NDUFAF6: variants seen among roughly 807,000 people sequenced by gnomAD.
The protein encoded by NDUFAF6 is NADH:ubiquinone oxidoreductase complex assembly factor 6, also known as NADH dehydrogenase (ubiquinone) complex I, assembly factor 6.
In NDUFAF6, 45 loss-of-function variants were observed where a neutral mutation model predicts 40.8. That is an observed-to-expected ratio of 1.10 (90% CI 0.87 to 1.42). The LOEUF (loss-of-function observed/expected upper bound fraction) is 1.42. Among genes scored for constraint, NDUFAF6 ranks in the 40% most tolerant of loss-of-function variants. The probability of loss-of-function intolerance (pLI) is 0.00; values close to 1 mark genes in which losing one functional copy is unlikely to be tolerated. For missense variants in NDUFAF6, 435 were observed against 418.5 expected (o/e 1.04, Z -0.34); for synonymous variants, 185 against 155.9 (o/e 1.19, Z -1.39).
At chr8:95,063,052 G>A (rs1832610064), downstream of NDUFAF6, among the ~76,000 whole-genome samples, 1 of 152,220 alleles carries the variant, frequency 6.6e-6, no homozygotes, top group Non-Finnish European at 1.5e-5. Context: ...TGAGGAAGAA[G>A]TGAGGCTGGA....
chr8:95,070,338 CACTT>C (rs1320206469), intron 9 of NDUFAF6, among the ~76,000 whole-genome samples: 2 of 152,136 alleles, frequency 1.3e-5, no homozygotes. Flanking sequence ...TAGTGGCTGG[CACTT>C]ACTAAGTGTA....
chr8:94,925,899 CAAA>C (rs200197782), intron 1 of NDUFAF6: 1 of 52,698 alleles, frequency 1.9e-5, no homozygotes, highest in African/African-American at 3.8e-5. Flanking sequence ...ATCTTTTGGA[CAAA>C]AAAACTAAAC....
At chr8:95,105,925 C>A (rs1298558978), downstream of NDUFAF6, among the ~76,000 whole-genome samples, 1 of 152,140 alleles carries the variant, frequency 6.6e-6, no homozygotes, top group Non-Finnish European at 1.5e-5. Context: ...CATGAGTCAC[C>A]TTGCCTGGCC....
At chr8:94,986,307 A>C (rs115872802) in intron 2 of NDUFAF6, among the ~76,000 whole-genome samples, 1,542 of 152,350 alleles carry the variant, frequency 0.01, 28 homozygotes, top group African/African-American at 0.035. Flanking sequence ...AAACAACTCT[A>C]CTAATAAATA....
chr8:95,117,344 A>C (rs940831069), downstream of NDUFAF6, among the ~76,000 whole-genome samples: 3 of 152,196 alleles, frequency 2.0e-5, no homozygotes, highest in African/African-American at 7.2e-5. Flanking sequence ...TGGATTTTAA[A>C]GAGTCTGAAC....
chr8:94,965,220 G>C (rs181088586), intron 1 of NDUFAF6, among the ~76,000 whole-genome samples: 2 of 151,292 alleles, frequency 1.3e-5, no homozygotes, highest in Admixed American at 1.3e-4. Flanking sequence ...CAATTACTGG[G>C]CCATATACAT....
chr8:95,037,639 T>C (rs1437481765), intron 3 of NDUFAF6, among the ~76,000 whole-genome samples: 1 of 152,230 alleles, frequency 6.6e-6, no homozygotes, highest in East Asian at 1.9e-4. Flanking sequence ...CAAAGTGGGC[T>C]CTGTTCTCCA....
At chr8:95,114,682 G>A (rs910049907) in intron 4 of NDUFAF6, among the ~76,000 whole-genome samples, 5 of 151,918 alleles carry the variant, frequency 3.3e-5, no homozygotes, top group African/African-American at 9.7e-5. Context: ...TCATTCACCC[G>A]GTATATACAG....
upstream of NDUFAF6, among the ~76,000 whole-genome samples, chr8:95,097,472 T>C (rs965781915): frequency 1.3e-5 from 2 of 151,668 alleles, no homozygotes; most frequent in East Asian, 1.9e-4. Flanking sequence ...CTGAGGCGGG[T>C]GGATCATCTG....
At chr8:95,017,707 T>C (rs1223278134) in intron 2 of NDUFAF6, among the ~76,000 whole-genome samples, 1 of 152,228 alleles carries the variant, frequency 6.6e-6, no homozygotes, top group Non-Finnish European at 1.5e-5. Flanking sequence ...ATTCCTAGGA[T>C]ACCCTACAAA....
At position 95,058,348 on chromosome 8, in the gene NDUFAF6, G is replaced by A; in HGVS notation, c.*411G>A. On this transcript the variant is annotated 3_prime_UTR_variant, in exon 9 of 9. Transcript: ENST00000396124. ...TACATGCTGAGCAGCTATAACCTAG[G>A]TGTTCAGAACACCTGGAAGATGCAT... 2.4e-6 allele frequency: 3 copies of A among 1,242,162 alleles called. No individual in the cohort carries two copies. Among genetic ancestry groups the A allele is most frequent in the Non-Finnish European group, 3.0e-6 (3 of 994,164 alleles). The allele number at this position is 1,242,162 out of a possible 1,614,324, so 76.9% of individuals were successfully genotyped here.
At chr8:94,945,286 C>T (rs928185851) in intron 1 of NDUFAF6, among the ~76,000 whole-genome samples, 4 of 152,256 alleles carry the variant, frequency 2.6e-5, no homozygotes, top group African/African-American at 9.6e-5. Context: ...AAAGTACACA[C>T]TAGAGTGTAT....
At chr8:94,944,338 T>C (rs943265010) in intron 1 of NDUFAF6, among the ~76,000 whole-genome samples, 4 of 152,190 alleles carry the variant, frequency 2.6e-5, no homozygotes, top group Non-Finnish European at 5.9e-5. Context: ...CCAAAAAACA[T>C]TGCTGGGGCC....
chr8:95,011,263 A>G (rs891767942), intron 2 of NDUFAF6, among the ~76,000 whole-genome samples: 4 of 152,118 alleles, frequency 2.6e-5, no homozygotes, highest in African/African-American at 9.7e-5. Context: ...TTCAAATCTT[A>G]TCCATTTCCC....
upstream of NDUFAF6, among the ~76,000 whole-genome samples, chr8:95,021,481 A>G (rs1224602415): frequency 6.6e-6 from 1 of 152,216 alleles, no homozygotes. Flanking sequence ...CAGAAACACT[A>G]TCCCAAGGCA....
chr8:95,079,159 A>T (rs1808737268), downstream of NDUFAF6, among the ~76,000 whole-genome samples: 1 of 151,898 alleles, frequency 6.6e-6, no homozygotes, highest in Admixed American at 6.6e-5. Context: ...TTTAGTAGAG[A>T]CGGGATTTCT....
At chr8:95,013,862 C>G (rs545200171) in intron 2 of NDUFAF6, among the ~76,000 whole-genome samples, 1 of 152,080 alleles carries the variant, frequency 6.6e-6, no homozygotes, top group African/African-American at 2.4e-5. Flanking sequence ...GTTCTTTGAT[C>G]AGGTCAAAAT....
intron 9 of NDUFAF6, chr8:95,067,328 T>C (rs905693741): frequency 2.6e-5 from 4 of 152,102 alleles, no homozygotes; most frequent in African/African-American, 9.7e-5. Context: ...GGCCTCCTTT[T>C]TTGAGAGGCA....
chr8:94,896,803 C>T (rs1240656740), intron 1 of NDUFAF6: 2 of 152,262 alleles, frequency 1.3e-5, no homozygotes, highest in Admixed American at 1.3e-4. Flanking sequence ...CGGATGGGCG[C>T]TTTGGGGCGG....
Sources: allele counts gnomAD v4.1 joint callset (sites outside exome capture counted in the v4.1 genomes callset), GRCh38; gene constraint gnomAD v4.1.1; transcripts MANE v1.5; gene names NCBI Gene and HGNC (gene_info 2026-07-23, HGNC 2026-07-21).